FRA10AC1: variants seen among roughly 807,000 people sequenced by gnomAD.
FRA10AC1 encodes the protein FRA10A associated CGG repeat 1, also known as protein FRA10AC1.
A neutral mutation model predicts 56.5 loss-of-function variants in FRA10AC1; 43 were observed. That is an observed-to-expected ratio of 0.76 (90% CI 0.60 to 0.98). The LOEUF is 0.98. Among genes scored for constraint, FRA10AC1 ranks in the 50% least tolerant of loss-of-function variants. The pLI is 0.00. For missense variants in FRA10AC1, 346 were observed against 351.8 expected, an observed-to-expected ratio of 0.98 and a Z score of 0.13; for synonymous variants, 112 against 110.5, an observed-to-expected ratio of 1.01 and a Z score of -0.09.
At position 93,673,630 on chromosome 10, in the gene FRA10AC1, GACTTA is replaced by G. The variant is rs1433655402; in HGVS notation, c.827-2787_827-2783del. ...CAAATGGACAGGTCAGATTTTTATA[GACTTA>G]ACTTTTGATTTCATCAATTCTAGAG... On this transcript the variant is annotated intron_variant, in intron 12 of 13. Coordinates refer to ENST00000359204, the MANE Select transcript of FRA10AC1 (RefSeq NM_145246.5). 3.4e-5 allele frequency: 12 copies of G among 352,398 alleles called. No individual in the cohort carries two copies. The Middle Eastern group carries it at 2.9e-3, about 86-fold the overall frequency. 21.8% of individuals were successfully genotyped at this position (352,398 alleles called of 1,614,324 possible). A position where few individuals can be genotyped will look rare whatever the true frequency, so the allele number is the denominator to read the frequency against.
Position 93,669,914 on chromosome 10 carries a change from T to A in FRA10AC1, c.906-46A>T, listed in dbSNP as rs758087279. 13 of 1,014,642 alleles carry A rather than the reference T, an allele frequency of 1.3e-5. No homozygotes were observed. The East Asian group carries it at 2.5e-4, about 19-fold the overall frequency. 62.9% of individuals were successfully genotyped at this position (1,014,642 alleles called of 1,614,324 possible). A position where few individuals can be genotyped will look rare whatever the true frequency, so the allele number is the denominator to read the frequency against. On this transcript the variant is annotated intron_variant, in intron 13 of 13. Coordinates refer to ENST00000359204, the MANE Select transcript of FRA10AC1 (RefSeq NM_145246.5). ...ACTTAAGATCAATAGAGTAAAAAAA[T>A]TACTACATGATACATTATATGAGAT...
At chr10:93,700,134 T>C (rs748409634) in intron 1 of FRA10AC1, 28 bp from the exon 2 acceptor site, 1 of 1,299,248 alleles carries the variant, frequency 7.7e-7, no homozygotes, top group Non-Finnish European at 1.1e-6. Flanking sequence ...GTCAGCTATT[T>C]AGAATCTATG....
chr10:93,671,490 G>A (rs1464956344), intron 12 of FRA10AC1: 1 of 152,892 alleles, frequency 6.5e-6, no homozygotes, highest in Non-Finnish European at 1.5e-5. Flanking sequence ...GCTGCTTTTA[G>A]GAATTTGATT....
At chr10:93,678,699 T>C (rs1238285623) in intron 11 of FRA10AC1, among the ~76,000 whole-genome samples, 3 of 151,940 alleles carry the variant, frequency 2.0e-5, no homozygotes, top group African/African-American at 4.8e-5. Flanking sequence ...CTGAGTATGG[T>C]AGTGCAGGCC....
intron 10 of FRA10AC1, among the ~76,000 whole-genome samples, chr10:93,683,339 T>C (rs1181292855): frequency 6.8e-6 from 1 of 147,740 alleles, no homozygotes; most frequent in Non-Finnish European, 1.5e-5. Flanking sequence ...GCTCATTCAA[T>C]AAAAGCCTGA....
rs376588256 is a variant in FRA10AC1, at chr10:93,698,123, A to T, written c.219+13T>A. 91 of 1,456,798 alleles carry T rather than the reference A, an allele frequency of 6.2e-5. 1 individual carries two copies. In the African/African-American group the frequency reaches 1.2e-3, roughly 19 times the overall value. 90.2% of individuals were successfully genotyped at this position (1,456,798 alleles called of 1,614,324 possible). On this transcript the variant is annotated intron_variant, in intron 4 of 13. Coordinates refer to ENST00000359204, the MANE Select transcript of FRA10AC1 (RefSeq NM_145246.5). ...CTACTAGTTATAAAAATCTGGAAATAAAAAAAGGATACAGCATCCATAGCT... is the reference window on the plus strand; with the variant it reads ...CTACTAGTTATAAAAATCTGGAAATTAAAAAAGGATACAGCATCCATAGCT...
chr10:93,694,800 G>A (rs2059201926), intron 5 of FRA10AC1, 61 bp downstream of exon 5: 1 of 786,910 alleles, frequency 1.3e-6, no homozygotes, highest in Non-Finnish European at 2.2e-6. Context: ...CACAGTAGCT[G>A]TGGGTCTTTA....
chr10:93,689,315 T>G (rs953719735), intron 7 of FRA10AC1, among the ~76,000 whole-genome samples: 5 of 152,124 alleles, frequency 3.3e-5, no homozygotes, highest in African/African-American at 1.2e-4. Context: ...TTGGCAATTT[T>G]GTATTTTAAA....
chr10:93,700,031 T>A lies in FRA10AC1; in HGVS notation c.76A>T (p.Arg26Trp). ...GATCAATAAAAAAAAATTACTTACC[T>A]TTTTTTCCTTTTGCTGGATTCTCCA... is the stretch of plus-strand genomic sequence containing the variant. ...RCGESSKRKK[R>W]TVEDDLLLQK... Residue 26 changes from arginine (R) to tryptophan (W), a missense_variant and splice_region_variant, in exon 2 of 14, where the codon AGG (arginine) becomes TGG (tryptophan). By Grantham distance (101) the Arg-to-Trp change is moderately radical. Transcript: ENST00000359204. The A allele has an allele frequency of 6.5e-7, 1 of 1,531,252 alleles. No homozygotes were observed. The highest frequency in any genetic ancestry group is 9.0e-7 in the Non-Finnish European group (1 of 1,111,976). The allele number at this position is 1,531,252 out of a possible 1,614,324, so 94.9% of individuals were successfully genotyped here.
chr10:93,686,300 A>G (rs1206417111), intron 8 of FRA10AC1, among the ~76,000 whole-genome samples: 1 of 151,902 alleles, frequency 6.6e-6, no homozygotes, highest in Non-Finnish European at 1.5e-5. Flanking sequence ...TTTGTTGTTA[A>G]AACAGCAACA....
intron 8 of FRA10AC1, among the ~76,000 whole-genome samples, chr10:93,686,103 A>G (rs764513324): frequency 1.3e-5 from 2 of 151,918 alleles, no homozygotes; most frequent in African/African-American, 4.8e-5. Context: ...ACTCTTATTA[A>G]TTTATATCAC....
chr10:93,702,287 A>T (rs1035728593), intron 1 of FRA10AC1, 88 bp downstream of exon 1: 1 of 151,810 alleles, frequency 6.6e-6, no homozygotes, highest in Non-Finnish European at 1.5e-5. Context: ...ACAAAAAAAA[A>T]CCCGACGATC....
At chr10:93,670,898 C>T (rs1199368093) in intron 12 of FRA10AC1, 50 bp from the exon 13 acceptor site, 9 of 1,220,142 alleles carry the variant, frequency 7.4e-6, no homozygotes, top group African/African-American at 3.0e-5. Context: ...ACTTAAAGCA[C>T]ATTTTGAATT....
intron 5 of FRA10AC1, among the ~76,000 whole-genome samples, chr10:93,693,621 T>C (rs888646323): frequency 2.9e-4 from 42 of 143,292 alleles, no homozygotes; most frequent in Non-Finnish European, 5.5e-4. Context: ...ACCATATATA[T>C]ATACACACCA....
chr10:93,682,710 T>G (rs2058957112), intron 10 of FRA10AC1, among the ~76,000 whole-genome samples: 2 of 152,136 alleles, frequency 1.3e-5, no homozygotes, highest in South Asian at 4.1e-4. Flanking sequence ...GAGGCTGAGG[T>G]GTGAGGATCA....
Position 93,669,786 on chromosome 10 carries a change from G to A in FRA10AC1, c.*40C>T. 3 of 1,362,402 alleles carry A rather than the reference G, an allele frequency of 2.2e-6. No individual in the cohort carries two copies. Among genetic ancestry groups the A allele is most frequent in the Non-Finnish European group, 3.1e-6 (3 of 975,594 alleles). The allele number at this position is 1,362,402 out of a possible 1,614,324, so 84.4% of individuals were successfully genotyped here. ...AATTGCATGAAGTTTAAAACTTCAT[G>A]AAGTTTCACATTAAGGAGCGGAGGC... On this transcript the variant is annotated 3_prime_UTR_variant, in exon 14 of 14. Transcript: ENST00000359204.
chr10:93,677,132 G>A (rs751858865), intron 11 of FRA10AC1, among the ~76,000 whole-genome samples: 4 of 151,924 alleles, frequency 2.6e-5, no homozygotes, highest in Non-Finnish European at 4.4e-5. Context: ...AAACTGATAA[G>A]AACACAACAC....
intron 12 of FRA10AC1, 90 bp from the exon 13 acceptor site, chr10:93,670,938 A>C: frequency 1.3e-6 from 1 of 769,772 alleles, no homozygotes; most frequent in Non-Finnish European, 2.2e-6. Context: ...TTTTTATTTA[A>C]CTCAGCTTCA....
intron 6 of FRA10AC1, among the ~76,000 whole-genome samples, chr10:93,692,375 T>C (rs11187589): frequency 0.41 from 61,739 of 152,024 alleles, 14,667 homozygotes; most frequent in Non-Finnish European, 0.52. Context: ...GACTTTTTTC[T>C]AAAACAGCAG....
Sources: allele counts gnomAD v4.1 joint callset (sites outside exome capture counted in the v4.1 genomes callset), GRCh38; gene constraint gnomAD v4.1.1; transcripts MANE v1.5; gene names NCBI Gene and HGNC (gene_info 2026-07-23, HGNC 2026-07-21).